The following RALA variants were observed in gnomAD, a reference collection of about 807,000 sequenced individuals.
RALA encodes the protein RAS like proto-oncogene A, also known as ras-related protein Ral-A.
Under a neutral mutation model 24.0 loss-of-function variants are expected in RALA, and 5 were observed. That is an observed-to-expected ratio of 0.21 (90% CI 0.11 to 0.44). The LOEUF is 0.44. Among genes scored for constraint, RALA ranks in the 20% least tolerant of loss-of-function variants. The probability of loss-of-function intolerance (pLI) is 0.99; values close to 1 mark genes in which losing one functional copy is unlikely to be tolerated. For missense variants in RALA, 95 were observed against 241.2 expected (o/e 0.39, Z 4.01); for synonymous variants, 77 against 83.8 (o/e 0.92, Z 0.44).
intron 4 of RALA, among the ~76,000 whole-genome samples, chr7:39,697,921 A>T (rs1224264626): frequency 6.7e-6 from 1 of 150,036 alleles, no homozygotes; most frequent in African/African-American, 2.5e-5. Context: ...CAGGATACGA[A>T]TTTTTTCTAA....
At chr7:39,684,484 C>T (rs1198332076) in intron 1 of RALA, among the ~76,000 whole-genome samples, 4 of 151,726 alleles carry the variant, frequency 2.6e-5, no homozygotes, top group African/African-American at 9.7e-5. Context: ...ATGGGTGAGA[C>T]CTGAAGCCGC....
At chr7:39,644,092 C>A (rs1053092954) in intron 1 of RALA, among the ~76,000 whole-genome samples, 1 of 152,062 alleles carries the variant, frequency 6.6e-6, no homozygotes, top group Non-Finnish European at 1.5e-5. Context: ...GACTCAAAAT[C>A]TTTACTGAAT....
chr7:39,675,953 TA>T (rs773231088), intron 1 of RALA, among the ~76,000 whole-genome samples: 2 of 152,172 alleles, frequency 1.3e-5, no homozygotes, highest in South Asian at 2.1e-4. Flanking sequence ...AATGATTTGA[TA>T]GGGGCAGAAC....
intron 4 of RALA, chr7:39,697,397 G>A (rs1233324088): frequency 6.6e-6 from 3 of 456,540 alleles, no homozygotes; most frequent in African/African-American, 2.0e-5. Context: ...TTGTCTTCTC[G>A]CTTTGTTCAG....
intron 1 of RALA, among the ~76,000 whole-genome samples, chr7:39,679,512 T>G (rs1792548593): frequency 6.6e-6 from 1 of 152,194 alleles, no homozygotes; most frequent in African/African-American, 2.4e-5. Flanking sequence ...CATTTGTATA[T>G]CCTTTTCTGT....
chr7:39,630,263 A>G (rs561132208), intron 1 of RALA, among the ~76,000 whole-genome samples: 91 of 134,834 alleles, frequency 6.7e-4, no homozygotes, highest in African/African-American at 2.4e-3. Context: ...TGTTGCCCAG[A>G]CTGGTCTTAA....
At chr7:39,691,926 A>C (rs772458440) in intron 3 of RALA, among the ~76,000 whole-genome samples, 4 of 152,220 alleles carry the variant, frequency 2.6e-5, no homozygotes. Context: ...TTATCACCAT[A>C]GTCACCAAAG....
At chr7:39,696,158 A>C (rs932567897) in intron 3 of RALA, among the ~76,000 whole-genome samples, 2 of 152,342 alleles carry the variant, frequency 1.3e-5, no homozygotes, top group South Asian at 4.1e-4. Context: ...TGCAAAATCT[A>C]TGCTCAAGGT....
intron 1 of RALA, among the ~76,000 whole-genome samples, chr7:39,666,032 A>G (rs1265276233): frequency 1.3e-5 from 2 of 152,156 alleles, no homozygotes; most frequent in Non-Finnish European, 2.9e-5. Flanking sequence ...AGCACTCAAT[A>G]AATAGGAAGA....
chr7:39,628,384 C>T (rs1265404510), intron 1 of RALA, among the ~76,000 whole-genome samples: 3 of 140,118 alleles, frequency 2.1e-5, no homozygotes, highest in Non-Finnish European at 4.5e-5. Flanking sequence ...ACTACACACA[C>T]ACACACACAC....
At chr7:39,650,602 T>G (rs1356006827) in intron 1 of RALA, among the ~76,000 whole-genome samples, 1 of 152,132 alleles carries the variant, frequency 6.6e-6, no homozygotes, top group Non-Finnish European at 1.5e-5. Context: ...GTCTCGGTGC[T>G]TTTTCCTAAG....
At chr7:39,668,809 A>G (rs1007978969) in intron 1 of RALA, among the ~76,000 whole-genome samples, 20 of 151,398 alleles carry the variant, frequency 1.3e-4, no homozygotes, top group South Asian at 6.3e-4. Context: ...AAAAAAAAAA[A>G]AAAAGAAAAG....
At chr7:39,701,550 A>G (rs1041138845) in intron 4 of RALA, among the ~76,000 whole-genome samples, 1 of 152,180 alleles carries the variant, frequency 6.6e-6, no homozygotes, top group Non-Finnish European at 1.5e-5. Context: ...TAGCTAGTGT[A>G]TCTCCCATTT....
chr7:39,685,745 A>G (rs935677004), intron 1 of RALA, among the ~76,000 whole-genome samples: 2 of 152,024 alleles, frequency 1.3e-5, no homozygotes, highest in African/African-American at 4.8e-5. Flanking sequence ...TAGTTGGGGT[A>G]TACAGTGTTG....
intron 1 of RALA, among the ~76,000 whole-genome samples, chr7:39,670,786 C>G (rs1326532506): frequency 6.6e-6 from 1 of 152,182 alleles, no homozygotes; most frequent in Non-Finnish European, 1.5e-5. Flanking sequence ...AGGTCATAGT[C>G]TAGTAGCAAA....
chr7:39,707,303 G>C lies in RALA; in HGVS notation c.*1058G>C, dbSNP rs1223520066. ...GTGCTAATGCATTTTGCACTAGAAC[G>C]CTTCGGGAAAATATTCATGCTTGCC... On this transcript the variant is annotated 3_prime_UTR_variant, in exon 5 of 5. Coordinates refer to ENST00000005257, the MANE Select transcript of RALA (RefSeq NM_005402.4). 1 of 152,162 alleles carries C rather than the reference G, an allele frequency of 6.6e-6. No homozygotes were observed. The highest frequency in any genetic ancestry group is 1.5e-5 in the Non-Finnish European group (1 of 68,040). 9.4% of individuals were successfully genotyped at this position (152,162 alleles called of 1,614,324 possible).
At position 39,695,008 on chromosome 7, in the gene RALA, G is replaced by A. The variant is rs138462227; in HGVS notation, c.324-1677G>A. Among the ~76,000 whole-genome samples, 1,205 of 151,706 alleles carry A rather than the reference G, an allele frequency of 7.9e-3. 21 individuals are homozygous for A. The highest frequency in any genetic ancestry group is 0.028 in the African/African-American group (1,145 of 41,348). On this transcript the variant is annotated intron_variant, in intron 3 of 4. Coordinates refer to ENST00000005257, the MANE Select transcript of RALA (RefSeq NM_005402.4). ...CAGGAGGTTGAGGCTGCAGTGAGCC[G>A]TGATCATGCCACTGCACTACAGCCT...
chr7:39,627,930 T>C (rs1474137372), intron 1 of RALA, among the ~76,000 whole-genome samples: 1 of 152,214 alleles, frequency 6.6e-6, no homozygotes, highest in Non-Finnish European at 1.5e-5. Flanking sequence ...ACCTTCAAGA[T>C]GTGCTCCTTA....
intron 3 of RALA, among the ~76,000 whole-genome samples, chr7:39,693,615 A>G (rs1025678690): frequency 1.3e-5 from 2 of 152,218 alleles, no homozygotes; most frequent in African/African-American, 4.8e-5. Flanking sequence ...CACAAAGGAA[A>G]CTGGTTAAGA....
Sources: gnomAD v4.1 joint callset for allele counts (sites outside exome capture counted in the v4.1 genomes callset) on GRCh38, gnomAD v4.1.1 for gene constraint, MANE v1.5 for transcripts, NCBI Gene and HGNC (gene_info 2026-07-23, HGNC 2026-07-21) for gene names.